Variants in DPP6 observed in about 807,000 individuals in gnomAD.
The protein encoded by DPP6 is A-type potassium channel modulatory protein DPP6.
DPP6 carries 69 observed loss-of-function variants against 122.6 expected under a neutral mutation model. That is an observed-to-expected ratio of 0.56 (90% confidence interval 0.46 to 0.69). The LOEUF is 0.69. Ranked by LOEUF, DPP6 falls within the 30% of genes least tolerant of loss-of-function variation. The probability of loss-of-function intolerance (pLI) is 0.00; values close to 1 mark genes in which losing one functional copy is unlikely to be tolerated. For synonymous variants in DPP6, 418 were observed against 433.1 expected, an observed-to-expected ratio of 0.97 and a Z score of 0.43; for missense variants, 928 against 1,116.9, an observed-to-expected ratio of 0.83 and a Z score of 2.41.
intron 1 of DPP6, among the ~76,000 whole-genome samples, chr7:154,301,256 A>T (rs1265900459): frequency 3.3e-5 from 5 of 152,116 alleles, no homozygotes; most frequent in Admixed American, 3.3e-4. Context: ...GTGAGCATGT[A>T]GTGTCTTTCT....
At chr7:153,786,335 T>G in the DPP6 span, among the ~76,000 whole-genome samples, 1 of 149,856 alleles carries the variant, frequency 6.7e-6, no homozygotes, top group Non-Finnish European at 1.5e-5. Context: ...ATATCAAATA[T>G]GACCACGTGG....
chr7:154,625,027 G>C (rs1834975429), intron 5 of DPP6, among the ~76,000 whole-genome samples: 1 of 152,162 alleles, frequency 6.6e-6, no homozygotes, highest in Admixed American at 6.5e-5. Context: ...ATGGCCAGTG[G>C]ATAAATATAC....
At chr7:153,913,724 G>A (rs1459692351) in intron 1 of DPP6, among the ~76,000 whole-genome samples, 1 of 152,112 alleles carries the variant, frequency 6.6e-6, no homozygotes, top group East Asian at 1.9e-4. Context: ...ACATGTTAAA[G>A]TCTTGCAAAG....
At chr7:154,540,733 C>T (rs1828659709) in intron 4 of DPP6, 107 bp downstream of exon 4, 3 of 665,574 alleles carry the variant, frequency 4.5e-6, no homozygotes, top group Non-Finnish European at 7.5e-6. Context: ...CAAGGAGAAG[C>T]AATAAACTTG....
chr7:154,714,617 G>A (rs1841377393), intron 7 of DPP6, among the ~76,000 whole-genome samples: 1 of 152,088 alleles, frequency 6.6e-6, no homozygotes, highest in Non-Finnish European at 1.5e-5. Context: ...CTGGATGGGG[G>A]AAACTGCCCC....
the DPP6 span, among the ~76,000 whole-genome samples, chr7:153,754,014 A>T: frequency 6.6e-6 from 1 of 152,216 alleles, no homozygotes; most frequent in Non-Finnish European, 1.5e-5. Flanking sequence ...CTTATGATCC[A>T]TGAAGAGTGT....
chr7:153,837,831 T>A, the DPP6 span, among the ~76,000 whole-genome samples: 1 of 139,260 alleles, frequency 7.2e-6, no homozygotes, highest in Admixed American at 7.7e-5. Flanking sequence ...CCACCATGCC[T>A]GGTTAATTTT....
At chr7:153,939,206 T>A (rs191855224) in intron 1 of DPP6, among the ~76,000 whole-genome samples, 1 of 152,230 alleles carries the variant, frequency 6.6e-6, no homozygotes, top group Non-Finnish European at 1.5e-5. Context: ...ATACTTCATA[T>A]ACAGTACAAA....
At chr7:154,788,218 C>A (rs558884148) in intron 10 of DPP6, among the ~76,000 whole-genome samples, 1 of 151,996 alleles carries the variant, frequency 6.6e-6, no homozygotes, top group Non-Finnish European at 1.5e-5. Context: ...CTGAGGCTGG[C>A]GGATCAGTTG....
At chr7:153,993,184 C>T (rs1797263779) in intron 1 of DPP6, among the ~76,000 whole-genome samples, 1 of 152,142 alleles carries the variant, frequency 6.6e-6, no homozygotes, top group East Asian at 1.9e-4. Context: ...AAGGTTGTAT[C>T]TGAATCAGTG....
intron 19 of DPP6, among the ~76,000 whole-genome samples, chr7:154,873,726 T>TCACCCACATGCAGACACACG (rs1239220940): frequency 6.6e-6 from 1 of 151,952 alleles, no homozygotes; most frequent in African/African-American, 2.4e-5. Context: ...GCATGCACAC[T>TCACCCACATGCAGACACACG]CACCCACATG....
chr7:153,752,788 A>G, the DPP6 span, among the ~76,000 whole-genome samples: 6 of 141,134 alleles, frequency 4.3e-5, no homozygotes, highest in East Asian at 1.3e-3. Context: ...AGTCTCGGCA[A>G]CACAGTAAGA....
intron 5 of DPP6, among the ~76,000 whole-genome samples, chr7:154,589,625 C>A (rs1832684696): frequency 6.6e-6 from 1 of 152,204 alleles, no homozygotes; most frequent in South Asian, 2.1e-4. Context: ...CAAAGGAACT[C>A]AATTTGTAGT....
At chr7:154,305,222 T>G in intron 1 of DPP6, 1 of 1,187,532 alleles carries the variant, frequency 8.4e-7, no homozygotes, top group Non-Finnish European at 1.0e-6. Context: ...TCATTGTTTC[T>G]GTGGCGATTG....
At position 154,821,109 on chromosome 7, in the gene DPP6, C is replaced by T. The variant is rs771276189; in HGVS notation, c.1666+13997C>T. ...AGGGTCATTTGGAATAAATTTTCCT[C>T]TGGTCTCAACACCAGGAATGGTTGA... On this transcript the variant is annotated intron_variant, in intron 16 of 25. Coordinates refer to ENST00000377770, the MANE Select transcript of DPP6 (RefSeq NM_130797.4). The surrounding 1 kb of genome is among the most constrained non-coding windows in gnomAD (Gnocchi z 4.2). Among the ~76,000 whole-genome samples, 2 of 152,196 alleles carry T rather than the reference C, an allele frequency of 1.3e-5. No homozygotes were observed. The highest frequency in any genetic ancestry group is 2.4e-5 in the African/African-American group (1 of 41,452).
At chr7:154,240,860 CAGTG>C (rs1424320308) in intron 1 of DPP6, among the ~76,000 whole-genome samples, 1 of 152,138 alleles carries the variant, frequency 6.6e-6, no homozygotes, top group Non-Finnish European at 1.5e-5. Flanking sequence ...GTAGGATAGA[CAGTG>C]AGGTTTGACC....
intron 4 of DPP6, among the ~76,000 whole-genome samples, chr7:154,554,040 C>T (rs982353833): frequency 5.3e-5 from 8 of 152,040 alleles, no homozygotes; most frequent in African/African-American, 1.9e-4. Flanking sequence ...CCACTCTGCT[C>T]TATAGCATCT....
intron 1 of DPP6, among the ~76,000 whole-genome samples, chr7:154,290,814 T>C (rs1284698137): frequency 6.6e-6 from 1 of 152,132 alleles, no homozygotes; most frequent in Non-Finnish European, 1.5e-5. Context: ...CATGCCTGTG[T>C]TTATCTGGAG....
intron 1 of DPP6, among the ~76,000 whole-genome samples, chr7:154,369,541 G>A (rs1045705735): frequency 6.6e-6 from 1 of 152,052 alleles, no homozygotes; most frequent in Non-Finnish European, 1.5e-5. Context: ...GCTAATTTTT[G>A]TATTAGTAGA....
Sources: gnomAD v4.1 joint callset for allele counts (sites outside exome capture counted in the v4.1 genomes callset) on GRCh38, gnomAD v4.1.1 for gene constraint, Gnocchi (gnomAD v3.1) non-coding constraint, MANE v1.5 for transcripts, NCBI Gene and HGNC (gene_info 2026-07-23, HGNC 2026-07-21) for gene names.